Variants in ZNF385D observed in about 807,000 individuals in gnomAD.
ZNF385D encodes the protein zinc finger protein 659.
Under a neutral mutation model 35.8 loss-of-function variants are expected in ZNF385D, and 15 were observed. The observed-to-expected ratio is 0.42, with a 90% CI of 0.28 to 0.64. The LOEUF (loss-of-function observed/expected upper bound fraction) is 0.64. Ranked by LOEUF, ZNF385D falls within the 30% of genes least tolerant of loss-of-function variation. The pLI is 0.23. For missense variants in ZNF385D, 474 were observed against 494.6 expected (o/e 0.96, Z 0.39); for synonymous variants, 212 against 186.8 (o/e 1.13, Z -1.10).
Position 21,933,568 on chromosome 3 carries a change from A to G in ZNF385D, c.325+235249T>C, listed in dbSNP as rs1043341016. ...CTGCTTTGTACTATATGGGCCTAAC[A>G]TGATGGCATTTAGCATTAACATGGA... On this transcript the variant is annotated intron_variant, in intron 3 of 5. Transcript: ENST00000494108. Among the ~76,000 whole-genome samples the G allele has an allele frequency of 3.3e-5, 5 of 152,228 alleles. No individual in the cohort carries two copies. The South Asian group carries it at 8.3e-4, about 25-fold the overall frequency.
chr3:22,365,245 A>G (rs1045456030), intron 2 of ZNF385D, among the ~76,000 whole-genome samples: 4 of 152,076 alleles, frequency 2.6e-5, no homozygotes, highest in African/African-American at 7.2e-5. Flanking sequence ...TACATTTCAT[A>G]TTATATATAT....
chr3:21,798,126 G>A (rs1196059708), intron 3 of ZNF385D, among the ~76,000 whole-genome samples: 1 of 152,106 alleles, frequency 6.6e-6, no homozygotes, highest in African/African-American at 2.4e-5. Flanking sequence ...TGCGTTAGTT[G>A]GGGTATAGGA....
intron 3 of ZNF385D, among the ~76,000 whole-genome samples, chr3:21,960,709 G>T (rs765231561): frequency 1.1e-4 from 16 of 152,012 alleles, no homozygotes; most frequent in Non-Finnish European, 2.1e-4. Context: ...CAGATAAATG[G>T]ATAAAGAAAA....
intron 3 of ZNF385D, among the ~76,000 whole-genome samples, chr3:21,791,173 C>T (rs998675287): frequency 6.6e-6 from 1 of 152,080 alleles, no homozygotes; most frequent in Non-Finnish European, 1.5e-5. Flanking sequence ...GTTTTCTGTC[C>T]TTTTCTGAGG....
intron 2 of ZNF385D, among the ~76,000 whole-genome samples, chr3:22,308,603 C>G (rs367964632): frequency 6.6e-6 from 1 of 151,876 alleles, no homozygotes; most frequent in East Asian, 1.9e-4. Context: ...GGTAGACACA[C>G]TGGTGAGGAG....
chr3:22,210,070 G>A (rs1233831846), intron 2 of ZNF385D, among the ~76,000 whole-genome samples: 1 of 151,530 alleles, frequency 6.6e-6, no homozygotes, highest in Non-Finnish European at 1.5e-5. Flanking sequence ...AAACCTATAG[G>A]AAACTTAAGA....
At chr3:22,197,721 T>C (rs1314016404) in intron 2 of ZNF385D, among the ~76,000 whole-genome samples, 1 of 152,114 alleles carries the variant, frequency 6.6e-6, no homozygotes, top group Non-Finnish European at 1.5e-5. Flanking sequence ...GCAGCTTCCC[T>C]TCCCCTGCAT....
At chr3:22,218,006 G>A (rs928716189) in intron 2 of ZNF385D, among the ~76,000 whole-genome samples, 1 of 152,064 alleles carries the variant, frequency 6.6e-6, no homozygotes, top group Non-Finnish European at 1.5e-5. Flanking sequence ...GAAAGGTTAA[G>A]GTAATGCTAG....
At chr3:21,962,366 A>G (rs781029681) in intron 3 of ZNF385D, among the ~76,000 whole-genome samples, 8 of 152,156 alleles carry the variant, frequency 5.3e-5, no homozygotes, top group Non-Finnish European at 1.2e-4. Flanking sequence ...ACTCCCTGCA[A>G]AGACATCTCT....
At chr3:22,004,721 A>G (rs1447938742) in intron 3 of ZNF385D, among the ~76,000 whole-genome samples, 1 of 152,124 alleles carries the variant, frequency 6.6e-6, no homozygotes, top group Non-Finnish European at 1.5e-5. Context: ...ATAAATGCAT[A>G]TCTCCTCCTT....
In ZNF385D at chr3:21,665,001, G is replaced by C; in HGVS notation, c.50C>G (p.Pro17Arg). 6.2e-7 allele frequency: 1 copy of C among 1,612,606 alleles called. No homozygotes were observed. The highest frequency in any genetic ancestry group is 8.5e-7 in the Non-Finnish European group (1 of 1,179,240). ...FGGTCQSPAL[P>R]ALVRPPAPPL... is the part of the protein sequence containing the mutation. Reference sequence around the variant, plus strand: ...AGGGGCTGGTGGACGGACAAGGGCCGGGAGAGCAGGACTCTGGCATGTACC... The same window carrying C: ...AGGGGCTGGTGGACGGACAAGGGCCCGGAGAGCAGGACTCTGGCATGTACC... Residue 17 changes from proline (P) to arginine (R), a missense_variant, in exon 2 of 8, where the codon CCG (proline) becomes CGG (arginine). Coordinates refer to ENST00000281523, the MANE Select transcript of ZNF385D (RefSeq NM_024697.3).
chr3:22,336,216 T>A (rs1003113116), intron 2 of ZNF385D, among the ~76,000 whole-genome samples: 2 of 152,132 alleles, frequency 1.3e-5, no homozygotes, highest in African/African-American at 2.4e-5. Context: ...ATTCCAGAAA[T>A]TTTAAACAAA....
chr3:22,195,056 C>T (rs1169897852), intron 2 of ZNF385D, among the ~76,000 whole-genome samples: 1 of 151,730 alleles, frequency 6.6e-6, no homozygotes, highest in African/African-American at 2.4e-5. Context: ...TATTTTCCCC[C>T]CAAGAAAGTA....
intron 2 of ZNF385D, among the ~76,000 whole-genome samples, chr3:22,347,533 G>T (rs1695713223): frequency 6.6e-6 from 1 of 152,122 alleles, no homozygotes. Flanking sequence ...AAAACAATCA[G>T]ACATGTCAAT....
intron 3 of ZNF385D, among the ~76,000 whole-genome samples, chr3:22,077,976 C>T (rs1700549711): frequency 6.6e-6 from 1 of 151,854 alleles, no homozygotes; most frequent in African/African-American, 2.4e-5. Flanking sequence ...AAGTCCTAGA[C>T]AAAAGACAAA....
intron 3 of ZNF385D, among the ~76,000 whole-genome samples, chr3:22,044,622 A>G (rs1189847880): frequency 6.6e-6 from 1 of 151,946 alleles, no homozygotes; most frequent in Non-Finnish European, 1.5e-5. Flanking sequence ...TTTTGGAGTA[A>G]AGGTTTTTAG....
At chr3:21,795,208 T>C (rs182408655) in intron 3 of ZNF385D, among the ~76,000 whole-genome samples, 1 of 152,356 alleles carries the variant, frequency 6.6e-6, no homozygotes, top group East Asian at 1.9e-4. Flanking sequence ...CCAGTGTGAA[T>C]GGAAAAGCCA....
At chr3:21,596,716 T>A (rs78055684) in intron 2 of ZNF385D, among the ~76,000 whole-genome samples, 16,360 of 151,238 alleles carry the variant, frequency 0.11, 1,342 homozygotes, top group African/African-American at 0.22. Flanking sequence ...TGGCCACAAG[T>A]GATCCTCCTG....
intron 3 of ZNF385D, among the ~76,000 whole-genome samples, chr3:22,097,899 A>G (rs563451106): frequency 2.0e-5 from 3 of 152,162 alleles, no homozygotes; most frequent in Admixed American, 6.6e-5. Context: ...CCCCTAGCCC[A>G]TAAGAACCTA....
Sources: allele counts gnomAD v4.1 joint callset (sites outside exome capture counted in the v4.1 genomes callset), GRCh38; gene constraint gnomAD v4.1.1; transcripts MANE v1.5; gene names NCBI Gene and HGNC (gene_info 2026-07-23, HGNC 2026-07-21).